The following GLCCI1 variants were observed in gnomAD, a reference collection of about 807,000 sequenced individuals.
GLCCI1 encodes glucocorticoid induced 1, also known as glucocorticoid-induced transcript 1 protein.
GLCCI1 carries 24 observed loss-of-function variants against 52.2 expected under a neutral mutation model. The ratio of observed to expected loss-of-function variants is 0.46; its 90% confidence interval spans 0.33 to 0.65. The LOEUF is 0.65. GLCCI1 is among the 30% of genes least tolerant of loss of function. The probability of loss-of-function intolerance (pLI) is 0.02; values close to 1 mark genes in which losing one functional copy is unlikely to be tolerated. For synonymous variants in GLCCI1, 310 were observed against 276.5 expected (o/e 1.12, Z -1.20); for missense variants, 704 against 701.5 (o/e 1.00, Z -0.04).
intron 5 of GLCCI1, among the ~76,000 whole-genome samples, chr7:8,068,094 A>G (rs1030451980): frequency 6.6e-6 from 1 of 152,162 alleles, no homozygotes; most frequent in Non-Finnish European, 1.5e-5. Flanking sequence ...GCTCATGCCT[A>G]TAATCCTAGC....
chr7:7,972,687 A>C (rs931278357), intron 1 of GLCCI1, among the ~76,000 whole-genome samples: 7 of 152,212 alleles, frequency 4.6e-5, no homozygotes, highest in Non-Finnish European at 8.8e-5. Context: ...GTAATAGAGA[A>C]TTGATATTCA....
At chr7:8,083,244 T>A (rs1013647510) in intron 6 of GLCCI1, among the ~76,000 whole-genome samples, 1 of 152,190 alleles carries the variant, frequency 6.6e-6, no homozygotes, top group African/African-American at 2.4e-5. Context: ...CCATCCTCCC[T>A]ACTTACTTGT....
At chr7:8,032,492 A>G (rs1781776767) in intron 3 of GLCCI1, among the ~76,000 whole-genome samples, 1 of 152,072 alleles carries the variant, frequency 6.6e-6, no homozygotes, top group Non-Finnish European at 1.5e-5. Context: ...AAGTTGAAAA[A>G]CATTTAGCTA....
At chr7:8,030,484 A>C (rs902322907) in intron 3 of GLCCI1, among the ~76,000 whole-genome samples, 2 of 152,150 alleles carry the variant, frequency 1.3e-5, no homozygotes, top group Non-Finnish European at 2.9e-5. Flanking sequence ...CAGGGCAAAC[A>C]TTTCTTGACT....
chr7:8,058,704 T>C (rs1782453432), intron 4 of GLCCI1, among the ~76,000 whole-genome samples: 1 of 152,184 alleles, frequency 6.6e-6, no homozygotes, highest in African/African-American at 2.4e-5. Flanking sequence ...AAATATTTGA[T>C]AAAAGTTGAT....
intron 6 of GLCCI1, among the ~76,000 whole-genome samples, chr7:8,077,485 A>G (rs1782898220): frequency 6.6e-6 from 1 of 152,188 alleles, no homozygotes; most frequent in Non-Finnish European, 1.5e-5. Context: ...AACAATAATC[A>G]ACATTGACTC....
At chr7:7,996,379 A>C (rs1204841816) in intron 1 of GLCCI1, among the ~76,000 whole-genome samples, 1 of 151,670 alleles carries the variant, frequency 6.6e-6, no homozygotes, top group Non-Finnish European at 1.5e-5. Flanking sequence ...TCCCAAAAAA[A>C]CGAACTTAAA....
At chr7:8,036,318 T>A (rs989308704) in intron 3 of GLCCI1, among the ~76,000 whole-genome samples, 1 of 152,100 alleles carries the variant, frequency 6.6e-6, no homozygotes, top group Non-Finnish European at 1.5e-5. Context: ...TCATAGAAAC[T>A]TTGCTTTCAG....
chr7:8,023,588 CTTTTTTTTTTTTTTTTT>C (rs571726894), intron 3 of GLCCI1, among the ~76,000 whole-genome samples: 4 of 41,990 alleles, frequency 9.5e-5, no homozygotes, highest in Admixed American at 3.4e-4. Context: ...CTCTGTTATT[CTTTTTTTTTTTTTTTTT>C]TTTTTTTTTT....
chr7:8,017,484 TG>T (rs1462469002), intron 2 of GLCCI1, among the ~76,000 whole-genome samples: 1 of 152,194 alleles, frequency 6.6e-6, no homozygotes, highest in Non-Finnish European at 1.5e-5. Context: ...AGTATATTTC[TG>T]GGCCTTATCT....
chr7:7,996,870 A>C (rs1181695721), intron 1 of GLCCI1, among the ~76,000 whole-genome samples: 1 of 152,196 alleles, frequency 6.6e-6, no homozygotes, highest in Non-Finnish European at 1.5e-5. Context: ...TGAGTATTTC[A>C]GATTCTACCC....
chr7:7,998,112 C>G (rs1780973674), intron 1 of GLCCI1, among the ~76,000 whole-genome samples: 1 of 150,346 alleles, frequency 6.7e-6, no homozygotes, highest in African/African-American at 2.4e-5. Flanking sequence ...CTGGCACTTT[C>G]ATTTTGTAAG....
intron 3 of GLCCI1, among the ~76,000 whole-genome samples, chr7:8,025,671 C>G (rs1781603265): frequency 6.6e-6 from 1 of 152,112 alleles, no homozygotes; most frequent in South Asian, 2.1e-4. Context: ...TGAAGCTTAA[C>G]TAACCACAAC....
intron 3 of GLCCI1, among the ~76,000 whole-genome samples, chr7:8,045,564 G>C (rs1341162936): frequency 2.0e-5 from 3 of 152,168 alleles, no homozygotes; most frequent in Non-Finnish European, 2.9e-5. Context: ...TAGGGAACTG[G>C]GACCGTGTTT....
intron 3 of GLCCI1, among the ~76,000 whole-genome samples, chr7:8,048,238 A>C (rs1346536755): frequency 6.6e-6 from 1 of 152,034 alleles, no homozygotes; most frequent in African/African-American, 2.4e-5. Flanking sequence ...TTTCTGGGTT[A>C]GTGTATCTCT....
rs1003120345 is a variant in GLCCI1 at position 8,088,354 on chromosome 7, C to G, written c.*1816C>G. 9 of 152,356 alleles carry G rather than the reference C, an allele frequency of 5.9e-5. No individual in the cohort carries two copies. The highest frequency in any genetic ancestry group is 1.3e-4 in the Non-Finnish European group (9 of 67,998). 9.4% of individuals were successfully genotyped at this position (152,356 alleles called of 1,614,324 possible). On this transcript the variant is annotated 3_prime_UTR_variant, in exon 8 of 8. Coordinates refer to ENST00000223145, the MANE Select transcript of GLCCI1 (RefSeq NM_138426.4). ...TAATATTTTCTCCTGAAGGTGCATT[C>G]TGGCTCCTTTAAATTAGTCAGTGTT...
intron 1 of GLCCI1, among the ~76,000 whole-genome samples, chr7:7,974,748 T>C (rs1315725174): frequency 6.6e-6 from 1 of 152,126 alleles, no homozygotes; most frequent in Non-Finnish European, 1.5e-5. Flanking sequence ...TGCCAAAGAG[T>C]ATAGTCTAAT....
chr7:7,969,339 C>G lies in GLCCI1; in HGVS notation c.-12C>G, dbSNP rs7786263. The G allele has an allele frequency of 0.13, 189,967 of 1,465,626 alleles. 13,520 individuals are homozygous for G. Among genetic ancestry groups the G allele is most frequent in the Admixed American group, 0.22 (10,310 of 46,336 alleles). The allele number at this position is 1,465,626 out of a possible 1,614,324, so 90.8% of individuals were successfully genotyped here. ...GTGTCGGCCGGCGGCGTCCAGGGCC[C>G]GCAGAGCCACCATGTCCACTGCCTC... is the stretch of plus-strand genomic sequence containing the variant. On this transcript the variant is annotated 5_prime_UTR_variant, in exon 1 of 8. Transcript: ENST00000223145. The surrounding 1 kb of genome is among the most constrained non-coding windows in gnomAD (Gnocchi z 4.9).
At position 8,012,016 on chromosome 7, in the gene GLCCI1, T is replaced by C. The variant is rs189150071; in HGVS notation, c.609+7957T>C. 7.2e-3 allele frequency among the ~76,000 whole-genome samples: 1,101 copies of C among 151,984 alleles called. 17 individuals are homozygous for C. The highest frequency in any genetic ancestry group is 0.025 in the African/African-American group (1,035 of 41,442). On this transcript the variant is annotated intron_variant, in intron 2 of 7. Transcript: ENST00000223145. ...ATTTTTAGTAGAGACGGGGTTTCAC[T>C]GTGTTAGCCAGGATGGTCTCAATCT...
Sources: allele counts gnomAD v4.1 joint callset (sites outside exome capture counted in the v4.1 genomes callset), GRCh38; gene constraint gnomAD v4.1.1; non-coding constraint Gnocchi (gnomAD v3.1); transcripts MANE v1.5; gene names NCBI Gene and HGNC (gene_info 2026-07-23, HGNC 2026-07-21).